GLIS1: variants seen among roughly 807,000 people sequenced by gnomAD.
The protein encoded by GLIS1 is GLIS family zinc finger 1, also known as zinc finger protein GLIS1.
GLIS1 carries 24 observed loss-of-function variants against 63.8 expected under a neutral mutation model. The observed-to-expected ratio is 0.38, with a 90% CI of 0.27 to 0.53. The LOEUF is 0.53. Ranked by LOEUF, GLIS1 falls within the 20% of genes least tolerant of loss-of-function variation. GLIS1 has a pLI of 0.85. For synonymous variants in GLIS1, 450 were observed against 482.5 expected (o/e 0.93, Z 0.88); for missense variants, 1,036 against 1,074.1 (o/e 0.96, Z 0.50).
In GLIS1 at chr1:53,599,263, A is replaced by G. The variant is rs149756884; in HGVS notation, c.437+838T>C. 1.7e-3 allele frequency among the ~76,000 whole-genome samples: 257 copies of G among 152,262 alleles called. 2 individuals carry two copies. The highest frequency in any genetic ancestry group is 5.9e-3 in the African/African-American group (244 of 41,534). Reference sequence around the variant, plus strand: ...TGAGAGGTGGGGCCTTTAAAAGGTGACTGGGTTGGGTCATGAAGGCTCTGC... The same window carrying G: ...TGAGAGGTGGGGCCTTTAAAAGGTGGCTGGGTTGGGTCATGAAGGCTCTGC... On this transcript the variant is annotated intron_variant, in intron 3 of 10. Transcript: ENST00000628545.
chr1:53,688,603 C>T (rs1027499566), intron 2 of GLIS1: 1 of 152,372 alleles, frequency 6.6e-6, no homozygotes, highest in Admixed American at 6.5e-5. Flanking sequence ...TGGTCTCACG[C>T]TGATGGGTGA....
At chr1:53,682,177 C>T (rs1235616450) in intron 2 of GLIS1, among the ~76,000 whole-genome samples, 1 of 152,200 alleles carries the variant, frequency 6.6e-6, no homozygotes, top group East Asian at 1.9e-4. Flanking sequence ...CACCCCTCTG[C>T]CTCTACACAG....
At chr1:53,506,900 G>T in intron 10 of GLIS1, 124 bp from the exon 11 acceptor site, 2 of 1,014,358 alleles carry the variant, frequency 2.0e-6, no homozygotes, top group Non-Finnish European at 1.4e-6. Flanking sequence ...CGTCGGTGGG[G>T]CCTGCTTGGA....
chr1:53,524,732 G>T (rs1644446982), intron 6 of GLIS1, 45 bp downstream of exon 6: 2 of 1,411,346 alleles, frequency 1.4e-6, no homozygotes, highest in Non-Finnish European at 1.0e-6. Context: ...TGCGGTGCAG[G>T]CGGCTGCGAG....
intron 2 of GLIS1, among the ~76,000 whole-genome samples, chr1:53,629,997 G>C (rs543138832): frequency 2.0e-5 from 3 of 152,146 alleles, no homozygotes; most frequent in Non-Finnish European, 4.4e-5. Flanking sequence ...TTCCATAATT[G>C]CATCTCCCAG....
In GLIS1 at chr1:53,509,189, C is replaced by G. The variant is rs1365513929; in HGVS notation, c.2161G>C (p.Glu721Gln). ...PAAGGDGLVG[E>Q]THGFNPLRPN... ...CGCAGGGGGTTGAAACCGTGGGTCT[C>G]CCCGACCAGTCCGTCCCCACCGGCT... Residue 721 changes from glutamate (E) to glutamine (Q), a missense_variant, in exon 10 of 11, where the codon GAG becomes CAG. Transcript: ENST00000628545. The G allele has an allele frequency of 2.5e-6, 4 of 1,600,910 alleles. No individual in the cohort carries two copies. In the African/African-American group the frequency reaches 4.0e-5, roughly 16 times the overall value.
intron 2 of GLIS1, among the ~76,000 whole-genome samples, chr1:53,707,602 A>T (rs1371685364): frequency 6.6e-6 from 1 of 151,892 alleles, no homozygotes; most frequent in Non-Finnish European, 1.5e-5. Flanking sequence ...GTAAGCTGAC[A>T]TTGCACCACT....
chr1:53,570,781 A>G (rs1166227712), intron 4 of GLIS1, among the ~76,000 whole-genome samples: 4 of 152,214 alleles, frequency 2.6e-5, no homozygotes, highest in Admixed American at 6.5e-5. Flanking sequence ...AAACAAATCA[A>G]ACTGGATTCC....
chr1:53,552,886 C>A (rs1344131904), intron 4 of GLIS1, among the ~76,000 whole-genome samples: 1 of 152,240 alleles, frequency 6.6e-6, no homozygotes, highest in Non-Finnish European at 1.5e-5. Context: ...TGAAATCAGC[C>A]CATTTAAACA....
intron 2 of GLIS1, 64 bp from the exon 3 acceptor site, chr1:53,600,342 G>A (rs1645304007): frequency 9.2e-7 from 1 of 1,082,450 alleles, no homozygotes; most frequent in Non-Finnish European, 1.2e-6. Context: ...GAGGGGTATG[G>A]GGAGAGGGCA....
intron 2 of GLIS1, among the ~76,000 whole-genome samples, chr1:53,616,637 CCT>C (rs924718097): frequency 6.6e-6 from 1 of 152,028 alleles, no homozygotes; most frequent in Non-Finnish European, 1.5e-5. Context: ...CCTGACAACC[CCT>C]CTCTCCACCT....
intron 10 of GLIS1, 27 bp from the exon 11 acceptor site, chr1:53,506,803 G>A (rs1197106351): frequency 5.0e-6 from 8 of 1,596,832 alleles, no homozygotes; most frequent in South Asian, 2.2e-5. Context: ...AAGGGTCAGC[G>A]CTGGAGGCAG....
At chr1:53,593,770 C>A (rs1489367380) in intron 4 of GLIS1, among the ~76,000 whole-genome samples, 2 of 152,230 alleles carry the variant, frequency 1.3e-5, no homozygotes, top group Non-Finnish European at 2.9e-5. Context: ...ACATGGAGCA[C>A]AAACACATGA....
intron 2 of GLIS1, among the ~76,000 whole-genome samples, chr1:53,709,385 CATATATAT>C: frequency 1.9e-3 from 85 of 43,948 alleles, no homozygotes; most frequent in African/African-American, 6.7e-3. Context: ...TACATATATA[CATATATAT>C]ACATATACAT....
intron 4 of GLIS1, among the ~76,000 whole-genome samples, chr1:53,578,640 AG>A (rs1289231311): frequency 6.6e-6 from 1 of 152,248 alleles, no homozygotes; most frequent in Non-Finnish European, 1.5e-5. Flanking sequence ...TTTGGCTACC[AG>A]GAAGCTCCAG....
chr1:53,732,486 T>C (rs1557546700), intron 2 of GLIS1, among the ~76,000 whole-genome samples: 1 of 151,528 alleles, frequency 6.6e-6, no homozygotes, highest in Non-Finnish European at 1.5e-5. Flanking sequence ...TTTTTTTTCA[T>C]TGTAAACTAT....
chr1:53,542,996 C>T (rs750369950), intron 4 of GLIS1, among the ~76,000 whole-genome samples: 8 of 152,214 alleles, frequency 5.3e-5, no homozygotes, highest in Non-Finnish European at 7.3e-5. Context: ...AATGACTCTA[C>T]GGGCCCCTTG....
At chr1:53,732,667 T>C (rs1288551281) in intron 2 of GLIS1, among the ~76,000 whole-genome samples, 1 of 152,312 alleles carries the variant, frequency 6.6e-6, no homozygotes, top group African/African-American at 2.4e-5. Context: ...CAAAGCCCAC[T>C]GCAAACTTTG....
chr1:53,661,288 G>A (rs1646025834), intron 2 of GLIS1, among the ~76,000 whole-genome samples: 2 of 152,142 alleles, frequency 1.3e-5, no homozygotes, highest in Non-Finnish European at 1.5e-5. Flanking sequence ...ACTTGAGCTG[G>A]GCAGTGGGGA....
Sources: allele counts gnomAD v4.1 joint callset (sites outside exome capture counted in the v4.1 genomes callset), GRCh38; gene constraint gnomAD v4.1.1; transcripts MANE v1.5; gene names NCBI Gene and HGNC (gene_info 2026-07-23, HGNC 2026-07-21).